RGS20: variants seen among roughly 807,000 people sequenced by gnomAD.
RGS20 encodes the protein regulator of G protein signaling 20.
RGS20 carries 30 observed loss-of-function variants against 33.6 expected under a neutral mutation model. The observed-to-expected ratio is 0.89, with a 90% CI of 0.67 to 1.21. RGS20 has a LOEUF of 1.21. Among genes scored for constraint, RGS20 ranks in the 50% most tolerant of loss-of-function variants. The pLI, the probability that RGS20 is intolerant of heterozygous loss-of-function variation, is 0.00. For missense variants in RGS20, 472 were observed against 502.4 expected (o/e 0.94, Z 0.58); for synonymous variants, 208 against 197.9 (o/e 1.05, Z -0.43).
intron 2 of RGS20, among the ~76,000 whole-genome samples, chr8:53,903,320 A>C (rs1176317139): frequency 6.6e-6 from 1 of 152,248 alleles, no homozygotes; most frequent in African/African-American, 2.4e-5. Flanking sequence ...AATTCTGAAA[A>C]TAGTGAACAA....
intron 4 of RGS20, among the ~76,000 whole-genome samples, chr8:53,947,433 T>C (rs957819612): frequency 7.2e-6 from 1 of 139,852 alleles, no homozygotes; most frequent in Non-Finnish European, 1.5e-5. Context: ...CTATATATGA[T>C]ATAGTATATA....
intron 5 of RGS20, among the ~76,000 whole-genome samples, chr8:53,955,647 T>C (rs940728819): frequency 6.6e-6 from 1 of 152,032 alleles, no homozygotes; most frequent in Non-Finnish European, 1.5e-5. Flanking sequence ...CTGGCCAACA[T>C]GGTGAAACCC....
chr8:53,947,941 TAA>T lies in RGS20; in HGVS notation c.743+1194_743+1195del, dbSNP rs1165812700. ...TATATATTTACATATGCTATATATA[TAA>T]GATATAGTATATATATTTACATATG... On this transcript the variant is annotated intron_variant, in intron 4 of 5. Transcript: ENST00000297313. Among the ~76,000 whole-genome samples the T allele has an allele frequency of 3.9e-3, 537 of 136,816 alleles. 1 individual carries two copies. Among genetic ancestry groups the T allele is most frequent in the Middle Eastern group, 0.011 (1 of 88 alleles). 89.8% of individuals were successfully genotyped at this position (136,816 alleles called of 152,430 possible).
At chr8:53,926,535 T>A (rs1813802580) in intron 2 of RGS20, among the ~76,000 whole-genome samples, 1 of 152,170 alleles carries the variant, frequency 6.6e-6, no homozygotes, top group South Asian at 2.1e-4. Flanking sequence ...ATAATCGCTA[T>A]CTTCAGGATT....
At position 53,915,577 on chromosome 8, in the gene RGS20, C is replaced by T. The variant is rs1813460901; in HGVS notation, c.511-23999C>T. ...CATGTCTCCCATGGAAAAACTCACC[C>T]ATGCATGCAGCTGGGTCGCTTCCCT... On this transcript the variant is annotated intron_variant, in intron 2 of 5. Coordinates refer to ENST00000297313, the MANE Select transcript of RGS20 (RefSeq NM_170587.4). Among the ~76,000 whole-genome samples the T allele has an allele frequency of 3.9e-5, 6 of 152,148 alleles. No homozygotes were observed. The South Asian group carries it at 1.2e-3, about 32-fold the overall frequency.
At chr8:53,881,078 T>C (rs1326852443) in intron 2 of RGS20, 2 of 1,526,940 alleles carry the variant, frequency 1.3e-6, no homozygotes, top group African/African-American at 1.4e-5. Context: ...GGGTGGACGG[T>C]GGGCTCGTGA....
At position 53,871,837 on chromosome 8, in the gene RGS20, CCT is replaced by C; in HGVS notation, c.166-7418_166-7417del. ...TCAGTCTTCTATCTCTCTGACTCTCCCTCTGTTTCCTGGTCTCTAGGGATCCT... is the reference window on the plus strand; with the variant it reads ...TCAGTCTTCTATCTCTCTGACTCTCCCTGTTTCCTGGTCTCTAGGGATCCT... On this transcript the variant is annotated intron_variant, in intron 1 of 5. Transcript: ENST00000297313. 1.3e-5 allele frequency among the ~76,000 whole-genome samples: 2 copies of C among 152,142 alleles called. 1 individual carries two copies. Among genetic ancestry groups the C allele is most frequent in the South Asian group, 4.2e-4 (2 of 4,806 alleles).
intron 2 of RGS20, among the ~76,000 whole-genome samples, chr8:53,892,052 C>T (rs1417283921): frequency 6.6e-6 from 1 of 152,238 alleles, no homozygotes; most frequent in African/African-American, 2.4e-5. Context: ...CCCCACACCC[C>T]ACAACAGTCC....
intron 2 of RGS20, among the ~76,000 whole-genome samples, chr8:53,905,112 G>A (rs1017714055): frequency 6.6e-6 from 1 of 152,196 alleles, no homozygotes; most frequent in African/African-American, 2.4e-5. Flanking sequence ...TTTAAAAGAT[G>A]AGGACATCTG....
rs185955305 is a variant in RGS20 at position 53,855,168 on chromosome 8, G to A, written c.165+3104G>A. ...CAACCTCTGCCTCCTGGGTTCAGGCGATTCTCTCACCTCTGCCTCCCAAGA... is the reference window on the plus strand; with the variant it reads ...CAACCTCTGCCTCCTGGGTTCAGGCAATTCTCTCACCTCTGCCTCCCAAGA... On this transcript the variant is annotated intron_variant, in intron 1 of 5. Coordinates refer to ENST00000297313, the MANE Select transcript of RGS20 (RefSeq NM_170587.4). Among the ~76,000 whole-genome samples the A allele has an allele frequency of 2.3e-3, 353 of 152,152 alleles. 1 individual carries two copies. The highest frequency in any genetic ancestry group is 4.1e-3 in the Non-Finnish European group (276 of 68,002).
At chr8:53,909,203 A>ATGTGTG (rs201686606) in intron 2 of RGS20, among the ~76,000 whole-genome samples, 1 of 57,322 alleles carries the variant, frequency 1.7e-5, no homozygotes, top group African/African-American at 8.5e-5. Context: ...CCATTATGGT[A>ATGTGTG]TGTGTGTATA....
intron 2 of RGS20, among the ~76,000 whole-genome samples, chr8:53,901,121 T>A (rs1443636099): frequency 1.3e-5 from 2 of 149,454 alleles, no homozygotes; most frequent in Non-Finnish European, 3.0e-5. Flanking sequence ...TGGAGTGCAG[T>A]GGCGCAATCA....
chr8:53,851,983 G>C lies in RGS20; in HGVS notation c.84G>C (p.Leu28=), dbSNP rs777757394. The C allele has an allele frequency of 1.2e-6, 2 of 1,614,184 alleles. No homozygotes were observed. Among genetic ancestry groups the C allele is most frequent in the South Asian group, 2.2e-5 (2 of 91,088 alleles). ...CTATATGGACACAGTTTCTGCCCCT[G>C]TTCAGGGCTCAGAGATATAATACAG... The change falls in exon 1 of 6, where the codon CTG becomes CTC. Residue 28 remains leucine (L), a synonymous_variant. Coordinates refer to ENST00000297313, the MANE Select transcript of RGS20 (RefSeq NM_170587.4).
chr8:53,887,615 A>C (rs1258622756), intron 2 of RGS20, among the ~76,000 whole-genome samples: 1 of 152,190 alleles, frequency 6.6e-6, no homozygotes, highest in Non-Finnish European at 1.5e-5. Context: ...CTTAATTTGT[A>C]TAAAAGTCAT....
At chr8:53,900,604 G>C (rs1812988133) in intron 2 of RGS20, among the ~76,000 whole-genome samples, 1 of 152,184 alleles carries the variant, frequency 6.6e-6, no homozygotes, top group Non-Finnish European at 1.5e-5. Flanking sequence ...CTAGTTTTCA[G>C]AGACCTTTCA....
rs2129273136 is a variant in RGS20 at position 53,877,288 on chromosome 8, G to A, written c.166-1970G>A. On this transcript the variant is annotated intron_variant, in intron 1 of 5. Coordinates refer to ENST00000297313, the MANE Select transcript of RGS20 (RefSeq NM_170587.4). The surrounding 1 kb of genome is among the most constrained non-coding windows in gnomAD (Gnocchi z 5.7). ...GACTTCTTAGCGTGGGGTCCCGCCG[G>A]CCCTGCCGCCCGTGGCCGCCGAAGT... 6.6e-6 allele frequency among the ~76,000 whole-genome samples: 1 copy of A among 152,302 alleles called. No individual in the cohort carries two copies. Among genetic ancestry groups the A allele is most frequent in the East Asian group, 1.9e-4 (1 of 5,172 alleles).
intron 2 of RGS20, among the ~76,000 whole-genome samples, chr8:53,928,484 G>A (rs528681779): frequency 1.3e-5 from 2 of 152,252 alleles, no homozygotes; most frequent in Admixed American, 1.3e-4. Flanking sequence ...CAGTAAACAT[G>A]AATACAGTCT....
Position 53,886,687 on chromosome 8 carries a change from G to A in RGS20, c.510+7085G>A, listed in dbSNP as rs190406239. 4.5e-3 allele frequency among the ~76,000 whole-genome samples: 688 copies of A among 152,304 alleles called. 2 individuals are homozygous for A. The highest frequency in any genetic ancestry group is 6.1e-3 in the Non-Finnish European group (412 of 68,024). On this transcript the variant is annotated intron_variant, in intron 2 of 5. Coordinates refer to ENST00000297313, the MANE Select transcript of RGS20 (RefSeq NM_170587.4). ...GTCCAACAGTGAAGGAGTGGAGAACGCCCTGCTATCTGGTTTGTCTACATT... is the reference window on the plus strand; with the variant it reads ...GTCCAACAGTGAAGGAGTGGAGAACACCCTGCTATCTGGTTTGTCTACATT...
intron 1 of RGS20, among the ~76,000 whole-genome samples, chr8:53,853,549 CT>C (rs2129265546): frequency 6.6e-6 from 1 of 152,136 alleles, no homozygotes; most frequent in South Asian, 2.1e-4. Flanking sequence ...CAGTTTTTGC[CT>C]TTTGAAAAAA....
Sources: gnomAD v4.1 joint callset for allele counts (sites outside exome capture counted in the v4.1 genomes callset) on GRCh38, gnomAD v4.1.1 for gene constraint, Gnocchi (gnomAD v3.1) non-coding constraint, MANE v1.5 for transcripts, NCBI Gene and HGNC (gene_info 2026-07-23, HGNC 2026-07-21) for gene names.